The following AGBL4 variants were observed in gnomAD, a reference collection of about 807,000 sequenced individuals.
AGBL4 encodes cytosolic carboxypeptidase 6.
AGBL4 carries 58 observed loss-of-function variants against 66.4 expected under a neutral mutation model. The observed-to-expected ratio is 0.87, with a 90% CI of 0.71 to 1.09. The LOEUF is 1.09. Among genes scored for constraint, AGBL4 ranks in the 50% least tolerant of loss-of-function variants. The probability of loss-of-function intolerance (pLI) is 0.00; values close to 1 mark genes in which losing one functional copy is unlikely to be tolerated. For synonymous variants in AGBL4, 234 were observed against 222.9 expected, an observed-to-expected ratio of 1.05 and a Z score of -0.44; for missense variants, 579 against 631.0, an observed-to-expected ratio of 0.92 and a Z score of 0.88.
At chr1:49,085,321 A>G (rs556436191) in intron 4 of AGBL4, among the ~76,000 whole-genome samples, 6 of 151,296 alleles carry the variant, frequency 4.0e-5, no homozygotes, top group Admixed American at 2.6e-4. Flanking sequence ...TCTTGCCCCA[A>G]TTCTCAGGCC....
At chr1:49,943,612 A>G (rs891598489) in intron 1 of AGBL4, among the ~76,000 whole-genome samples, 3 of 152,002 alleles carry the variant, frequency 2.0e-5, no homozygotes, top group Non-Finnish European at 4.4e-5. Flanking sequence ...TAGATGAAAC[A>G]GTGGGAAAAG....
chr1:49,896,745 G>C (rs115403799), intron 1 of AGBL4, among the ~76,000 whole-genome samples: 8,089 of 149,982 alleles, frequency 0.054, 240 homozygotes, highest in African/African-American at 0.072. Flanking sequence ...ACATTAAAAA[G>C]ATCATTCCTC....
At chr1:49,676,834 G>A (rs1646587956) in intron 3 of AGBL4, among the ~76,000 whole-genome samples, 1 of 151,952 alleles carries the variant, frequency 6.6e-6, no homozygotes, top group African/African-American at 2.4e-5. Flanking sequence ...GTCAGGCCTG[G>A]CTAACCATAG....
intron 4 of AGBL4, among the ~76,000 whole-genome samples, chr1:49,207,469 TCTTTCTTTCTTTTTCTTTCTTTC>T (rs1364942537): frequency 0.031 from 41 of 1,324 alleles, no homozygotes; most frequent in African/African-American, 0.083. Context: ...TCTTTCTTTC[TCTTTCTTTCTTTTTCTTTCTTTC>T]TTTTCTTTCT....
chr1:49,702,641 A>G (rs1041727187), intron 2 of AGBL4, among the ~76,000 whole-genome samples: 6 of 152,160 alleles, frequency 3.9e-5, no homozygotes, highest in African/African-American at 1.2e-4. Context: ...AACAAAAACA[A>G]TAACAAATAA....
At chr1:48,980,598 G>T (rs756635855) in intron 5 of AGBL4, among the ~76,000 whole-genome samples, 7 of 151,402 alleles carry the variant, frequency 4.6e-5, no homozygotes, top group Non-Finnish European at 1.0e-4. Context: ...TACTTGGGAG[G>T]GTGAGGCAGG....
At chr1:49,210,943 T>C (rs1446355889) in intron 4 of AGBL4, among the ~76,000 whole-genome samples, 2 of 152,116 alleles carry the variant, frequency 1.3e-5, no homozygotes, top group African/African-American at 4.8e-5. Flanking sequence ...AATATGACCA[T>C]GGAAATAGCA....
At chr1:49,749,488 A>G (rs563212121) in intron 2 of AGBL4, among the ~76,000 whole-genome samples, 30 of 152,298 alleles carry the variant, frequency 2.0e-4, no homozygotes, top group Non-Finnish European at 3.7e-4. Context: ...ATTTACATAG[A>G]TTTTTCTATG....
chr1:49,708,655 C>A (rs1319625116), intron 2 of AGBL4, among the ~76,000 whole-genome samples: 2 of 152,116 alleles, frequency 1.3e-5, no homozygotes, highest in South Asian at 2.1e-4. Flanking sequence ...GAATTTTCAG[C>A]CTTTTTGCAC....
intron 11 of AGBL4, among the ~76,000 whole-genome samples, chr1:48,540,760 C>T (rs1168560226): frequency 2.0e-5 from 3 of 152,160 alleles, no homozygotes; most frequent in Non-Finnish European, 4.4e-5. Context: ...TTCTCCAAGA[C>T]ACCTCCCATA....
intron 5 of AGBL4, among the ~76,000 whole-genome samples, chr1:48,942,168 AGAGAAAAGCAGGTCTTT>A (rs1293425157): frequency 6.6e-6 from 1 of 152,212 alleles, no homozygotes; most frequent in East Asian, 1.9e-4. Context: ...CTCCTTGCCC[AGAGAAAAGCAGGTCTTT>A]GATGCAAGAA....
chr1:49,757,844 C>T (rs1245029526), intron 2 of AGBL4, among the ~76,000 whole-genome samples: 1 of 152,138 alleles, frequency 6.6e-6, no homozygotes, highest in African/African-American at 2.4e-5. Context: ...AAGAAAAATC[C>T]ATTTTCTGGG....
At chr1:49,646,486 A>G (rs968424062) in intron 3 of AGBL4, among the ~76,000 whole-genome samples, 3 of 151,978 alleles carry the variant, frequency 2.0e-5, no homozygotes, top group Admixed American at 6.6e-5. Context: ...CAAAATATGT[A>G]TAAGACCTAT....
rs150122310 is a variant in AGBL4 at position 49,501,006 on chromosome 1, G to A, written c.282+196307C>T. On this transcript the variant is annotated intron_variant, in intron 3 of 13. Coordinates refer to ENST00000371839, the MANE Select transcript of AGBL4 (RefSeq NM_032785.4). ...CACAATATTAATTCTATCCATCCAC[G>A]AGCATGAAATGTATTTGTTTGTATA... Among the ~76,000 whole-genome samples the A allele has an allele frequency of 3.9e-5, 6 of 152,182 alleles. No homozygotes were observed. In the East Asian group the frequency reaches 9.7e-4, roughly 24 times the overall value.
At chr1:48,827,934 C>G (rs897398842) in intron 6 of AGBL4, among the ~76,000 whole-genome samples, 1 of 150,950 alleles carries the variant, frequency 6.6e-6, no homozygotes, top group Non-Finnish European at 1.5e-5. Flanking sequence ...GCGGGCAGAT[C>G]ACGAGGTCAG....
At chr1:49,253,111 G>A (rs2148341588) in intron 3 of AGBL4, among the ~76,000 whole-genome samples, 1 of 152,220 alleles carries the variant, frequency 6.6e-6, no homozygotes, top group South Asian at 2.1e-4. Flanking sequence ...ACTCAGAGTG[G>A]AAGCTGGATA....
chr1:49,800,141 G>A (rs780430212), intron 2 of AGBL4, among the ~76,000 whole-genome samples: 1 of 152,100 alleles, frequency 6.6e-6, no homozygotes, highest in African/African-American at 2.4e-5. Context: ...ACCTCTTGGT[G>A]TTTACACCTT....
intron 4 of AGBL4, among the ~76,000 whole-genome samples, chr1:49,195,057 G>C (rs1647201222): frequency 6.6e-6 from 1 of 151,944 alleles, no homozygotes; most frequent in South Asian, 2.1e-4. Context: ...GCCCAGGCTG[G>C]TATTGAATTC....
chr1:48,652,099 G>A (rs949008948), intron 8 of AGBL4, among the ~76,000 whole-genome samples: 2 of 152,178 alleles, frequency 1.3e-5, no homozygotes, highest in Non-Finnish European at 2.9e-5. Context: ...CTACTTGGGA[G>A]ACTGAGGTGG....
Sources: allele counts gnomAD v4.1 joint callset (sites outside exome capture counted in the v4.1 genomes callset), GRCh38; gene constraint gnomAD v4.1.1; transcripts MANE v1.5; gene names NCBI Gene and HGNC (gene_info 2026-07-23, HGNC 2026-07-21).